DYNC2H1: variants seen among roughly 807,000 people sequenced by gnomAD.
DYNC2H1 encodes dynein cytoplasmic 2 heavy chain 1, also known as cytoplasmic dynein 2 heavy chain 1.
Under a neutral mutation model 570.0 loss-of-function variants are expected in DYNC2H1, and 410 were observed. The observed-to-expected ratio is 0.72, with a 90% CI of 0.66 to 0.78. The LOEUF (loss-of-function observed/expected upper bound fraction) is 0.78. Among genes scored for constraint, DYNC2H1 ranks in the 30% least tolerant of loss-of-function variants. The probability of loss-of-function intolerance (pLI) is 0.00; values close to 1 mark genes in which losing one functional copy is unlikely to be tolerated. For synonymous variants in DYNC2H1, 1,688 were observed against 1,677.6 expected, an observed-to-expected ratio of 1.01 and a Z score of -0.15; for missense variants, 4,865 against 5,046.4, an observed-to-expected ratio of 0.96 and a Z score of 1.09.
rs780692171 is a variant in DYNC2H1, at chr11:103,143,315, G to T, written c.2622G>T (p.Lys874Asn). 9.9e-6 allele frequency: 16 copies of T among 1,613,478 alleles called. No individual in the cohort carries two copies. The Admixed American group carries it at 1.2e-4, about 12-fold the overall frequency. Residue 874 changes from lysine (K) to asparagine (N), a missense_variant, in exon 18 of 89, where the codon AAG (lysine) becomes AAT (asparagine). Transcript: ENST00000375735. ...GQVDMEALVE[K>N]HLFTVHDWEK... ...TTGATATGGAAGCTCTGGTGGAAAA[G>T]CATCTTTTTACTGTACATGATTGGG...
rs60301649 is a variant in DYNC2H1 at position 103,464,296 on chromosome 11, T to C, written c.12649-4293T>C. On this transcript the variant is annotated intron_variant, in intron 87 of 88. Transcript: ENST00000375735. Reference sequence around the variant, plus strand: ...AAAATGTAGTCTTTAAATGAAAAAATTGATAGACAAACTATACATTAGATA... The same window carrying C: ...AAAATGTAGTCTTTAAATGAAAAAACTGATAGACAAACTATACATTAGATA... Among the ~76,000 whole-genome samples, 3 of 152,082 alleles carry C rather than the reference T, an allele frequency of 2.0e-5. No homozygotes were observed. The South Asian group carries it at 6.2e-4, about 31-fold the overall frequency.
At chr11:103,467,523 TTTG>T (rs1204943203) in intron 87 of DYNC2H1, among the ~76,000 whole-genome samples, 1 of 75,452 alleles carries the variant, frequency 1.3e-5, no homozygotes, top group Admixed American at 1.9e-4. Context: ...TTTGTTTTGT[TTTG>T]TTTTGTTTTG....
chr11:103,343,475 C>T (rs1370198089), intron 82 of DYNC2H1, among the ~76,000 whole-genome samples: 1 of 152,106 alleles, frequency 6.6e-6, no homozygotes, highest in Non-Finnish European at 1.5e-5. Flanking sequence ...ATCAGAAAGA[C>T]ATAATTTTTG....
rs186856416 is a variant in DYNC2H1 at position 103,354,924 on chromosome 11, A to T, written c.12040-3319A>T. Among the ~76,000 whole-genome samples, 281 of 151,652 alleles carry T rather than the reference A, an allele frequency of 1.9e-3. 4 individuals are homozygous for T. The highest frequency in any genetic ancestry group is 6.2e-3 in the African/African-American group (255 of 41,356). ...AATATGAGAAGTATTGTCTTTCATCAGTTCTGGAAAATTCACAGAAGGTTT... is the reference window on the plus strand; with the variant it reads ...AATATGAGAAGTATTGTCTTTCATCTGTTCTGGAAAATTCACAGAAGGTTT... On this transcript the variant is annotated intron_variant, in intron 82 of 88. Coordinates refer to ENST00000375735, the MANE Select transcript of DYNC2H1 (RefSeq NM_001377.3).
chr11:103,243,700 T>C lies in DYNC2H1; in HGVS notation c.9827T>C (p.Val3276Ala). 6.2e-7 allele frequency: 1 copy of C among 1,600,462 alleles called. No individual in the cohort carries two copies. The highest frequency in any genetic ancestry group is 8.5e-7 in the Non-Finnish European group (1 of 1,172,384). ...ENALVILQSR[V>A]CPFLIDPSSQ... ...TCCTTTTTTTTATACTAGAGTCGAG[T>C]GTGCCCATTTCTTATAGATCCTTCT... is the stretch of plus-strand genomic sequence containing the variant. Residue 3276 changes from valine to alanine, a missense_variant, in exon 64 of 89, where the codon GTG becomes GCG. This residue lies in a region of DYNC2H1 where 2,401 missense variants were observed against 2,454.6 expected (regional missense o/e 0.98). Coordinates refer to ENST00000375735, the MANE Select transcript of DYNC2H1 (RefSeq NM_001377.3). The surrounding 1 kb of genome is among the most constrained non-coding windows in gnomAD (Gnocchi z 4.8).
intron 55 of DYNC2H1, among the ~76,000 whole-genome samples, chr11:103,218,997 A>G (rs142307237): frequency 2.6e-5 from 4 of 152,336 alleles, no homozygotes; most frequent in African/African-American, 9.6e-5. Context: ...GAATAGAGAT[A>G]CCTTCCAATT....
rs574029347 is a variant in DYNC2H1 at position 103,255,566 on chromosome 11, C to T, written c.10326+32C>T. The T allele has an allele frequency of 1.1e-5, 16 of 1,485,038 alleles. No individual in the cohort carries two copies. In the South Asian group the frequency reaches 1.8e-4, roughly 17 times the overall value. The allele number at this position is 1,485,038 out of a possible 1,614,324, so 92.0% of individuals were successfully genotyped here. A position where few individuals can be genotyped will look rare whatever the true frequency, so the allele number is the denominator to read the frequency against. ...GTCTAGCTATTTAGGTTACTTTTTTCGTATTACTTTTTTTTTAATGAATAC... is the reference window on the plus strand; with the variant it reads ...GTCTAGCTATTTAGGTTACTTTTTTTGTATTACTTTTTTTTTAATGAATAC... On this transcript the variant is annotated intron_variant, in intron 67 of 88. Coordinates refer to ENST00000375735, the MANE Select transcript of DYNC2H1 (RefSeq NM_001377.3).
chr11:103,236,382 C>A, intron 62 of DYNC2H1, 48 bp from the exon 63 acceptor site: 1 of 1,100,982 alleles, frequency 9.1e-7, no homozygotes, highest in Non-Finnish European at 1.4e-6. Context: ...TTCCCTTCAT[C>A]AAGTACAAGA....
In DYNC2H1 at chr11:103,153,454, TA is replaced by T. The variant is rs1860666242; in HGVS notation, c.3252del (p.Glu1085ArgfsTer79). On this transcript the variant is annotated frameshift_variant, in exon 22 of 89. Transcript: ENST00000375735. LOFTEE classifies it high-confidence loss of function. ...ACTCTTGATAAAAGTGCAAAGTTAA[TA>T]AAAGAGAAAAAAATTGAGTTTGATG... is the stretch of plus-strand genomic sequence containing the variant. ...HNTLDKSAKL[I>X]KEKKIEFDDL... The T allele has an allele frequency of 6.4e-7, 1 of 1,568,164 alleles. No homozygotes were observed. The highest frequency in any genetic ancestry group is 1.9e-5 in the Admixed American group (1 of 52,726).
chr11:103,410,985 G>C (rs996877777), intron 84 of DYNC2H1, among the ~76,000 whole-genome samples: 2 of 152,122 alleles, frequency 1.3e-5, no homozygotes, highest in African/African-American at 4.8e-5. Context: ...TGATCCGGGT[G>C]ATGTAGAGGG....
At chr11:103,317,098 C>T (rs1430833048) in intron 80 of DYNC2H1, among the ~76,000 whole-genome samples, 1 of 152,128 alleles carries the variant, frequency 6.6e-6, no homozygotes, top group African/African-American at 2.4e-5. Flanking sequence ...AAAACAGGAA[C>T]AGTCTAATCT....
At chr11:103,115,373 T>C in intron 4 of DYNC2H1, 78 bp downstream of exon 4, 1 of 847,598 alleles carries the variant, frequency 1.2e-6, no homozygotes, top group Non-Finnish European at 1.8e-6. Context: ...GCCTCTCTTC[T>C]GTTTTAAAAT....
At chr11:103,235,611 T>C in intron 61 of DYNC2H1, 61 bp from the exon 62 acceptor site, 1 of 1,450,240 alleles carries the variant, frequency 6.9e-7, no homozygotes. Context: ...AAAACTGTCA[T>C]TTTCTTTAAT....
Position 103,231,382 on chromosome 11 carries a change from T to C in DYNC2H1, c.9440+36T>C, listed in dbSNP as rs534533729. The C allele has an allele frequency of 4.6e-5, 63 of 1,357,262 alleles. No individual in the cohort carries two copies. In the African/African-American group the frequency reaches 5.5e-4, roughly 12 times the overall value. The allele number at this position is 1,357,262 out of a possible 1,614,324, so 84.1% of individuals were successfully genotyped here. On this transcript the variant is annotated intron_variant, in intron 60 of 88. Transcript: ENST00000375735. ...TTTTGAAGTGTATTTTGGATAATGC[T>C]GAGAGTGTTTACATTTGACATCTTG... is the stretch of plus-strand genomic sequence containing the variant.
Position 103,133,501 on chromosome 11 carries a change from C to A in DYNC2H1, c.1954-54C>A. On this transcript the variant is annotated intron_variant, in intron 13 of 88. Coordinates refer to ENST00000375735, the MANE Select transcript of DYNC2H1 (RefSeq NM_001377.3). This position sits in a 1 kb window ranked among gnomAD's most constrained non-coding sequence, Gnocchi z 4.8. ...GAACTTTTGATATAGAATATTGAAA[C>A]TTTTGGAAAAAAGAAATACTTATAC... 2 of 1,515,082 alleles carry A rather than the reference C, an allele frequency of 1.3e-6. No individual in the cohort carries two copies. The highest frequency in any genetic ancestry group is 1.8e-6 in the Non-Finnish European group (2 of 1,132,920). 93.9% of individuals were successfully genotyped at this position (1,515,082 alleles called of 1,614,324 possible). A position where few individuals can be genotyped will look rare whatever the true frequency, so the allele number is the denominator to read the frequency against.
chr11:103,317,258 T>G (rs753350154), intron 80 of DYNC2H1, among the ~76,000 whole-genome samples: 53 of 152,014 alleles, frequency 3.5e-4, no homozygotes, highest in Non-Finnish European at 6.5e-4. Flanking sequence ...CCCCCAACCC[T>G]GCAACCCTGC....
At chr11:103,190,747 G>A (rs1243500001) in intron 45 of DYNC2H1, among the ~76,000 whole-genome samples, 11 of 152,044 alleles carry the variant, frequency 7.2e-5, no homozygotes. Flanking sequence ...TGTCCATAGA[G>A]AGGAAGGGAC....
chr11:103,160,617 T>C (rs1861051495), intron 28 of DYNC2H1, among the ~76,000 whole-genome samples: 1 of 152,024 alleles, frequency 6.6e-6, no homozygotes, highest in Non-Finnish European at 1.5e-5. Context: ...TGGAAAATGG[T>C]AGGAATGAAT....
intron 75 of DYNC2H1, among the ~76,000 whole-genome samples, chr11:103,291,879 C>CT (rs1268894903): frequency 6.6e-6 from 1 of 151,760 alleles, no homozygotes; most frequent in Non-Finnish European, 1.5e-5. Context: ...TACTTCTTCT[C>CT]TTTTTTGGTT....
Sources: allele counts gnomAD v4.1 joint callset (sites outside exome capture counted in the v4.1 genomes callset), GRCh38; gene constraint gnomAD v4.1.1; regional missense constraint gnomAD v4.1.1; non-coding constraint Gnocchi (gnomAD v3.1); transcripts MANE v1.5; gene names NCBI Gene and HGNC (gene_info 2026-07-23, HGNC 2026-07-21).